The following NHS variants were observed in gnomAD, a reference collection of about 807,000 sequenced individuals.
NHS encodes the protein NHS actin remodeling regulator.
NHS carries 5 observed loss-of-function variants against 72.5 expected under a neutral mutation model. The ratio of observed to expected loss-of-function variants is 0.07; its 90% CI spans 0.04 to 0.14. The LOEUF (loss-of-function observed/expected upper bound fraction) is 0.14, where lower values mean the gene tolerates loss of function less well. NHS is among the 10% of genes least tolerant of loss of function. NHS has a pLI of 1.00. For synonymous variants in NHS, 464 were observed against 547.7 expected (o/e 0.85, Z 2.13); for missense variants, 1,072 against 1,355.7 (o/e 0.79, Z 3.29).
intron 1 of NHS, among the ~76,000 whole-genome samples, chrX:17,376,700 G>T (rs1302826423): frequency 8.9e-6 from 1 of 112,524 alleles, no homozygotes; most frequent in Non-Finnish European, 1.9e-5. Flanking sequence ...AGGGAGGAGG[G>T]TTGCAACTCC....
At chrX:17,633,640 G>A (rs1374979968) in intron 1 of NHS, among the ~76,000 whole-genome samples, 1 of 112,058 alleles carries the variant, frequency 8.9e-6, no homozygotes, top group African/African-American at 3.2e-5. Context: ...CAGCTAAATA[G>A]TGGCTTTGCC....
chrX:17,610,408 T>C (rs1164704635), intron 1 of NHS, among the ~76,000 whole-genome samples: 1 of 112,516 alleles, frequency 8.9e-6, no homozygotes, highest in East Asian at 2.8e-4. Flanking sequence ...ACAAATATAA[T>C]TAATGAAAAT....
At chrX:17,680,537 G>A (rs1314145788) in intron 1 of NHS, among the ~76,000 whole-genome samples, 4 of 113,166 alleles carry the variant, frequency 3.5e-5, no homozygotes, top group Non-Finnish European at 5.6e-5. Flanking sequence ...TGTGACACAA[G>A]TGATAGCTTC....
intron 1 of NHS, among the ~76,000 whole-genome samples, chrX:17,634,994 G>A (rs2065838714): frequency 9.0e-6 from 1 of 111,503 alleles, no homozygotes; most frequent in Non-Finnish European, 1.9e-5. Context: ...TTGGTGTAGG[G>A]GCTGGGCTGC....
chrX:17,451,953 A>G (rs1010462300), intron 1 of NHS, among the ~76,000 whole-genome samples: 17 of 111,823 alleles, frequency 1.5e-4, no homozygotes, highest in African/African-American at 4.6e-4. Context: ...TTATGTCTCT[A>G]TGGCTTCCTG....
chrX:17,438,619 G>A (rs1305877585), intron 1 of NHS, among the ~76,000 whole-genome samples: 1 of 111,949 alleles, frequency 8.9e-6, no homozygotes, highest in Admixed American at 9.4e-5. Flanking sequence ...GAAAAGCACT[G>A]GTCTAAGATT....
At chrX:17,691,686 C>G (rs2066196466) in intron 2 of NHS, among the ~76,000 whole-genome samples, 1 of 111,608 alleles carries the variant, frequency 9.0e-6, no homozygotes, top group East Asian at 2.8e-4. Flanking sequence ...GTAACAGGAC[C>G]TAGAAAAGCG....
chrX:17,462,895 G>A (rs2146897413), intron 1 of NHS, among the ~76,000 whole-genome samples: 1 of 112,229 alleles, frequency 8.9e-6, no homozygotes, highest in South Asian at 3.7e-4. Flanking sequence ...AGAATAAGGG[G>A]CATAGAGCAG....
intron 1 of NHS, among the ~76,000 whole-genome samples, chrX:17,450,315 C>T (rs1309321475): frequency 8.9e-6 from 1 of 111,993 alleles, no homozygotes; most frequent in African/African-American, 3.3e-5. Flanking sequence ...GCCCCTCTCC[C>T]CCAGAGCTGT....
intron 1 of NHS, among the ~76,000 whole-genome samples, chrX:17,470,096 C>G (rs752019775): frequency 9.0e-6 from 1 of 110,802 alleles, no homozygotes; most frequent in Non-Finnish European, 1.9e-5. Flanking sequence ...TATGGGTGCT[C>G]TTTTACTCAA....
chrX:17,683,764 T>G (rs1222729712), intron 1 of NHS, among the ~76,000 whole-genome samples: 1 of 112,006 alleles, frequency 8.9e-6, no homozygotes, highest in Non-Finnish European at 1.9e-5. Context: ...CATAGAGCCT[T>G]ATTTCCTGTT....
chrX:17,655,553 G>C (rs916230876), intron 1 of NHS, among the ~76,000 whole-genome samples: 1 of 112,543 alleles, frequency 8.9e-6, no homozygotes, highest in African/African-American at 3.2e-5. Context: ...TTTTTAGCAG[G>C]TTCCCTTTAG....
At chrX:17,430,271 CTTTCTTTCT>C (rs2064684544) in intron 1 of NHS, among the ~76,000 whole-genome samples, 1 of 56,477 alleles carries the variant, frequency 1.8e-5, no homozygotes, top group African/African-American at 8.2e-5. Flanking sequence ...TTCTTTCTTT[CTTTCTTTCT>C]TTCTTTCTTT....
chrX:17,578,880 G>A (rs948427136), intron 1 of NHS, among the ~76,000 whole-genome samples: 6 of 111,831 alleles, frequency 5.4e-5, no homozygotes, highest in African/African-American at 1.6e-4. Context: ...GTGTTGGAGA[G>A]GGTGTTTGAA....
chrX:17,434,376 C>T (rs755731761), intron 1 of NHS, among the ~76,000 whole-genome samples: 2 of 111,074 alleles, frequency 1.8e-5, no homozygotes, highest in South Asian at 7.6e-4. Flanking sequence ...TCAAAAATTG[C>T]TACCAATGTG....
At chrX:17,492,498 A>G (rs967914358) in intron 1 of NHS, among the ~76,000 whole-genome samples, 2 of 111,363 alleles carry the variant, frequency 1.8e-5, no homozygotes, top group Non-Finnish European at 3.8e-5. Flanking sequence ...GGTCTGAGTG[A>G]CTCTTTGTTA....
At chrX:17,669,777 A>G (rs2066033738) in intron 1 of NHS, among the ~76,000 whole-genome samples, 1 of 111,839 alleles carries the variant, frequency 8.9e-6, no homozygotes, top group South Asian at 3.8e-4. Context: ...GGAATATTCA[A>G]CTGGGATTTT....
chrX:17,407,561 T>TG (rs751867115), intron 1 of NHS, among the ~76,000 whole-genome samples: 55 of 111,418 alleles, frequency 4.9e-4, no homozygotes, highest in African/African-American at 1.8e-3. Context: ...GGAGTGTTGA[T>TG]TTTTTTTGGG....
chrX:17,690,107 C>A (rs190995604), intron 2 of NHS, among the ~76,000 whole-genome samples: 1 of 111,778 alleles, frequency 8.9e-6, no homozygotes. Flanking sequence ...TTGCGGTTGG[C>A]TCAATAGCAT....
Sources: gnomAD v4.1 joint callset for allele counts (sites outside exome capture counted in the v4.1 genomes callset) on GRCh38, gnomAD v4.1.1 for gene constraint, MANE v1.5 for transcripts, NCBI Gene and HGNC (gene_info 2026-07-23, HGNC 2026-07-21) for gene names.